Variants in SDR9C7 observed in about 807,000 individuals in gnomAD.
SDR9C7 encodes short-chain dehydrogenase/reductase family 9C member 7.
SDR9C7 carries 11 observed loss-of-function variants against 23.6 expected under a neutral mutation model. That is an observed-to-expected ratio of 0.47 (90% CI 0.29 to 0.77). The LOEUF (loss-of-function observed/expected upper bound fraction) is 0.77. SDR9C7 is among the 30% of genes least tolerant of loss of function. SDR9C7 has a pLI of 0.09. For synonymous variants in SDR9C7, 167 were observed against 157.3 expected (o/e 1.06, Z -0.46); for missense variants, 387 against 407.1 (o/e 0.95, Z 0.42).
Position 56,930,284 on chromosome 12 carries a change from T to C in SDR9C7, c.502A>G (p.Ile168Val), listed in dbSNP as rs147751323. Residue 168 changes from isoleucine (I) to valine (V), a missense_variant, in exon 2 of 4, where the codon ATT (isoleucine) becomes GTT (valine). Coordinates refer to ENST00000293502, the MANE Select transcript of SDR9C7 (RefSeq NM_148897.3). ...MSSSGGRVAV[I>V]GGGYCVSKFG... ...TTGGAGACGCAGTAGCCACCACCAA[T>C]GACAGCCACACGACCACCAGAGCTG... 544 of 1,614,146 alleles carry C rather than the reference T, an allele frequency of 3.4e-4. 3 individuals carry two copies. In the East Asian group the frequency reaches 0.011, roughly 31 times the overall value.
intron 3 of SDR9C7, among the ~76,000 whole-genome samples, chr12:56,924,566 G>A (rs952636007): frequency 1.8e-4 from 28 of 152,164 alleles, no homozygotes; most frequent in Non-Finnish European, 2.9e-4. Context: ...TAACTGTGCC[G>A]CTTATTAGTT....
At position 56,933,995 on chromosome 12, in the gene SDR9C7, C is replaced by T. The variant is rs541025681; in HGVS notation, c.267G>A (p.Ala89=). 3.7e-5 allele frequency: 60 copies of T among 1,611,324 alleles called. No individual in the cohort carries two copies. The highest frequency in any genetic ancestry group is 1.7e-4 in the Middle Eastern group (1 of 6,048). ...DVTKSESIKA[A]AQWVRDKVGE... ...CCACTTTGTCCCTCACCCACTGGGC[C>T]GCCGCCTTGATGCTTTCGCTCTTGG... The change falls in exon 1 of 4, where the codon GCG becomes GCA. Residue 89 remains alanine (A), a synonymous_variant. Transcript: ENST00000293502.
intron 2 of SDR9C7, 52 bp downstream of exon 2, chr12:56,930,174 T>C: frequency 6.3e-7 from 1 of 1,598,362 alleles, no homozygotes; most frequent in Non-Finnish European, 8.5e-7. Flanking sequence ...CCCAACCCTC[T>C]CTAATCTCTG....
chr12:56,929,608 G>C, intron 2 of SDR9C7, 55 bp from the exon 3 acceptor site: 1 of 1,575,210 alleles, frequency 6.3e-7, no homozygotes, highest in Non-Finnish European at 8.7e-7. Context: ...TCATCACGGA[G>C]AGTCACCTCT....
At chr12:56,924,132 T>C in intron 3 of SDR9C7, 82 bp from the exon 4 acceptor site, 1 of 937,182 alleles carries the variant, frequency 1.1e-6, no homozygotes, top group Non-Finnish European at 1.6e-6. Context: ...CAAGTTCCCT[T>C]TCCATCAGAT....
chr12:56,931,658 G>A (rs1026466368), intron 1 of SDR9C7, among the ~76,000 whole-genome samples: 43 of 152,186 alleles, frequency 2.8e-4, no homozygotes, highest in African/African-American at 9.2e-4. Flanking sequence ...CTAGGGGGAG[G>A]AAAATGCAGG....
chr12:56,933,580 G>A (rs1299859953), intron 1 of SDR9C7, among the ~76,000 whole-genome samples: 2 of 152,262 alleles, frequency 1.3e-5, no homozygotes, highest in Admixed American at 6.5e-5. Flanking sequence ...GGATGGTCTC[G>A]ATCTCTTGAC....
Position 56,931,069 on chromosome 12 carries a change from C to T in SDR9C7, c.302-585G>A, listed in dbSNP as rs538313530. Among the ~76,000 whole-genome samples, 11 of 151,278 alleles carry T rather than the reference C, an allele frequency of 7.3e-5. No individual in the cohort carries two copies. The South Asian group carries it at 2.3e-3, about 32-fold the overall frequency. On this transcript the variant is annotated intron_variant, in intron 1 of 3. Coordinates refer to ENST00000293502, the MANE Select transcript of SDR9C7 (RefSeq NM_148897.3). Reference sequence around the variant, plus strand: ...CAACAGAGTAAGACCCCTGTCTCTACAAAAAAAGAAAAAAAATTAGTCAGG... The same window carrying T: ...CAACAGAGTAAGACCCCTGTCTCTATAAAAAAAGAAAAAAAATTAGTCAGG...
At chr12:56,924,728 C>G (rs1315729578) in intron 3 of SDR9C7, among the ~76,000 whole-genome samples, 2 of 152,210 alleles carry the variant, frequency 1.3e-5, no homozygotes, top group Non-Finnish European at 2.9e-5. Context: ...TGAGACCAGC[C>G]TGGCCAACAT....
At chr12:56,932,654 A>G (rs719749) in intron 1 of SDR9C7, among the ~76,000 whole-genome samples, 41,457 of 152,096 alleles carry the variant, frequency 0.27, 7,351 homozygotes, top group African/African-American at 0.5. Context: ...CTGAAGACAG[A>G]GGCTCACTCT....
intron 2 of SDR9C7, among the ~76,000 whole-genome samples, 176 bp downstream of exon 2, chr12:56,930,050 C>T (rs952795366): frequency 6.6e-6 from 1 of 152,038 alleles, no homozygotes; most frequent in Non-Finnish European, 1.5e-5. Flanking sequence ...CACCCTACCT[C>T]TTCTCCTCAT....
chr12:56,929,347 ACTCGCCCCCCTCAGAGACCC>A (rs771332758), intron 3 of SDR9C7, 23 bp downstream of exon 3: 2 of 1,581,986 alleles, frequency 1.3e-6, no homozygotes, highest in South Asian at 2.2e-5. Flanking sequence ...CCCAAGACCC[ACTCGCCCCCCTCAGAGACCC>A]CTCTCCTGCC....
At chr12:56,930,168 A>G (rs1440765826) in intron 2 of SDR9C7, 58 bp downstream of exon 2, 46 of 1,588,954 alleles carry the variant, frequency 2.9e-5, no homozygotes, top group African/African-American at 1.3e-5. Flanking sequence ...GTCACTCCCA[A>G]CCCTCTCTAA....
At chr12:56,929,149 C>G (rs1445400019) in intron 3 of SDR9C7, among the ~76,000 whole-genome samples, 1 of 152,170 alleles carries the variant, frequency 6.6e-6, no homozygotes, top group Non-Finnish European at 1.5e-5. Context: ...TCCCCTGCAT[C>G]ATGATGCTGT....
intron 3 of SDR9C7, among the ~76,000 whole-genome samples, chr12:56,925,804 G>A (rs117869859): frequency 0.016 from 2,365 of 152,304 alleles, 25 homozygotes; most frequent in Non-Finnish European, 0.023. Flanking sequence ...TGCCCCCTCG[G>A]CGCCAGGGAA....
Position 56,934,212 on chromosome 12 carries a change from C to T in SDR9C7, c.50G>A (p.Cys17Tyr). 6.2e-7 allele frequency: 1 copy of T among 1,614,176 alleles called. No homozygotes were observed. Among genetic ancestry groups the T allele is most frequent in the South Asian group, 1.1e-5 (1 of 91,082 alleles). The change falls in exon 1 of 4, where the codon TGC becomes TAC. Residue 17 changes from cysteine (C) to tyrosine (Y), a missense_variant. Coordinates refer to ENST00000293502, the MANE Select transcript of SDR9C7 (RefSeq NM_148897.3). ...LSFMYRWFKNCNLVGNLSEKY... is the reference protein window; with the variant it reads ...LSFMYRWFKNYNLVGNLSEKY... ...CTCTGAGAGGTTGCCAACCAGATTG[C>T]AGTTCTTGAACCAGCGATACATAAA...
Position 56,934,290 on chromosome 12 carries a change from G to T in SDR9C7, c.-29C>A, listed in dbSNP as rs1426554290. The T allele has an allele frequency of 1.3e-6, 2 of 1,588,762 alleles. No individual in the cohort carries two copies. Among genetic ancestry groups the T allele is most frequent in the African/African-American group, 1.3e-5 (1 of 74,630 alleles). On this transcript the variant is annotated 5_prime_UTR_variant, in exon 1 of 4. Coordinates refer to ENST00000293502, the MANE Select transcript of SDR9C7 (RefSeq NM_148897.3). The stretch of plus-strand genomic sequence containing the variant: ...GCAAGGGGAATGTGATGGCCAAGAG[G>T]GACTGGGCTCAGGAGACAGCAGGGA...
rs780631575 is a variant in SDR9C7, at chr12:56,933,979, C to T, written c.283G>A (p.Asp95Asn). The T allele has an allele frequency of 1.2e-6, 2 of 1,609,238 alleles. No homozygotes were observed. Among genetic ancestry groups the T allele is most frequent in the Admixed American group, 3.3e-5 (2 of 59,956 alleles). The part of the protein sequence containing the change: ...SIKAAAQWVR[D>N]KVGEQGLWAL... ...GCCCCACCTTGTTCGCCCACTTTGT[C>T]CCTCACCCACTGGGCCGCCGCCTTG... The change falls in exon 1 of 4, where the codon GAC becomes AAC. Residue 95 changes from aspartate (D) to asparagine (N), a missense_variant. Physicochemically the swap from Asp to Asn is conservative, Grantham distance 23. Coordinates refer to ENST00000293502, the MANE Select transcript of SDR9C7 (RefSeq NM_148897.3).
chr12:56,923,933 A>G lies in SDR9C7; in HGVS notation c.842T>C (p.Leu281Pro), dbSNP rs1955715449. The change falls in exon 4 of 4, where the codon CTG becomes CCG. Residue 281 changes from leucine (L) to proline (P), a missense_variant. Coordinates refer to ENST00000293502, the MANE Select transcript of SDR9C7 (RefSeq NM_148897.3). ...AGGGATGTAGAGGAGTTTGGCATCCAGGCCAGGGTTGTAGCGGATGCGAGG... is the reference window on the plus strand; with the variant it reads ...AGGGATGTAGAGGAGTTTGGCATCCGGGCCAGGGTTGTAGCGGATGCGAGG... ...RSPRIRYNPG[L>P]DAKLLYIPLA... 1.2e-6 allele frequency: 2 copies of G among 1,614,182 alleles called. No homozygotes were observed. The highest frequency in any genetic ancestry group is 1.1e-5 in the South Asian group (1 of 91,076).
Sources: gnomAD v4.1 joint callset for allele counts (sites outside exome capture counted in the v4.1 genomes callset) on GRCh38, gnomAD v4.1.1 for gene constraint, MANE v1.5 for transcripts, NCBI Gene and HGNC (gene_info 2026-07-23, HGNC 2026-07-21) for gene names.